Variants in KCNN2 observed in about 807,000 individuals in gnomAD.
KCNN2 encodes potassium calcium-activated channel subfamily N member 2, also known as small conductance calcium-activated potassium channel protein 2.
A neutral mutation model predicts 55.5 loss-of-function variants in KCNN2; 24 were observed. The ratio of observed to expected loss-of-function variants is 0.43; its 90% CI spans 0.31 to 0.61. The LOEUF (loss-of-function observed/expected upper bound fraction) is 0.61, where lower values mean the gene tolerates loss of function less well. Among genes scored for constraint, KCNN2 ranks in the 20% least tolerant of loss-of-function variants. The pLI, the probability that KCNN2 is intolerant of heterozygous loss-of-function variation, is 0.08. For synonymous variants in KCNN2, 431 were observed against 336.1 expected (o/e 1.28, Z -3.09); for missense variants, 754 against 853.6 (o/e 0.88, Z 1.45).
intron 2 of KCNN2, among the ~76,000 whole-genome samples, chr5:114,336,867 C>A (rs1303741517): frequency 6.6e-6 from 1 of 152,118 alleles, no homozygotes; most frequent in Non-Finnish European, 1.5e-5. Context: ...AGTGAAGGTA[C>A]ACAGAGCAAG....
intron 1 of KCNN2, among the ~76,000 whole-genome samples, chr5:114,089,417 TC>T (rs1234190605): frequency 6.6e-6 from 1 of 152,164 alleles, no homozygotes. Context: ...CTGGAATGTC[TC>T]CCAACGCAGT....
At chr5:114,150,095 G>T (rs889058633) in intron 1 of KCNN2, among the ~76,000 whole-genome samples, 1 of 152,202 alleles carries the variant, frequency 6.6e-6, no homozygotes, top group African/African-American at 2.4e-5. Flanking sequence ...AGCACATCAC[G>T]TACTGTTGGC....
chr5:114,461,688 T>TTTA (rs1333105297), intron 3 of KCNN2, among the ~76,000 whole-genome samples: 1 of 152,116 alleles, frequency 6.6e-6, no homozygotes, highest in Non-Finnish European at 1.5e-5. Flanking sequence ...ATCTGCATTT[T>TTTA]TTATTTTTGA....
intron 3 of KCNN2, among the ~76,000 whole-genome samples, chr5:114,460,169 A>G (rs529630487): frequency 6.6e-6 from 1 of 152,246 alleles, no homozygotes; most frequent in Non-Finnish European, 1.5e-5. Context: ...TATCGTATGA[A>G]ATCTCTTACT....
chr5:114,242,289 T>G (rs998879423), intron 2 of KCNN2, among the ~76,000 whole-genome samples: 20 of 125,022 alleles, frequency 1.6e-4, no homozygotes, highest in African/African-American at 5.4e-4. Context: ...CCAAGACCCA[T>G]GGAGAGTTGT....
At chr5:114,202,587 T>TATATA (rs1368706421) in intron 1 of KCNN2, among the ~76,000 whole-genome samples, 5 of 88,242 alleles carry the variant, frequency 5.7e-5, no homozygotes, top group South Asian at 3.2e-4. Context: ...ATATATATAT[T>TATATA]TTTTTTTTTT....
intron 3 of KCNN2, among the ~76,000 whole-genome samples, chr5:114,444,769 A>G (rs1397802714): frequency 1.3e-5 from 2 of 152,166 alleles, no homozygotes; most frequent in Non-Finnish European, 2.9e-5. Flanking sequence ...TCTGGGTACT[A>G]TGCTGACCTG....
chr5:114,252,673 C>T (rs1318371026), intron 2 of KCNN2, among the ~76,000 whole-genome samples: 2 of 151,790 alleles, frequency 1.3e-5, no homozygotes, highest in East Asian at 1.9e-4. Flanking sequence ...CCAACCCCCA[C>T]CCCCCAACCT....
chr5:114,443,307 A>G (rs1760287622), intron 3 of KCNN2, among the ~76,000 whole-genome samples: 1 of 151,822 alleles, frequency 6.6e-6, no homozygotes, highest in Admixed American at 6.6e-5. Flanking sequence ...AGAAACAAAG[A>G]AAAAAGAAAA....
chr5:114,136,612 T>C (rs532310432), intron 1 of KCNN2, among the ~76,000 whole-genome samples: 2 of 152,318 alleles, frequency 1.3e-5, no homozygotes, highest in African/African-American at 4.8e-5. Context: ...CCTTTTAGAA[T>C]AATTTAACAC....
chr5:114,395,110 TG>T (rs1215787797), intron 2 of KCNN2, among the ~76,000 whole-genome samples: 1 of 152,180 alleles, frequency 6.6e-6, no homozygotes, highest in East Asian at 1.9e-4. Flanking sequence ...GCAGTTACCT[TG>T]CAGAGGAAAA....
At chr5:114,225,578 T>C (rs1417277603) in intron 2 of KCNN2, among the ~76,000 whole-genome samples, 2 of 152,062 alleles carry the variant, frequency 1.3e-5, no homozygotes, top group Non-Finnish European at 2.9e-5. Flanking sequence ...GCTTGATACA[T>C]AGTAGGTGCT....
intron 1 of KCNN2, among the ~76,000 whole-genome samples, chr5:114,161,139 G>C (rs1326066603): frequency 2.0e-5 from 3 of 152,186 alleles, no homozygotes; most frequent in African/African-American, 2.4e-5. Context: ...GCAGTGGCTG[G>C]TACTGGTTTT....
At chr5:114,096,918 C>G (rs143680323) in intron 1 of KCNN2, among the ~76,000 whole-genome samples, 51 of 152,186 alleles carry the variant, frequency 3.4e-4, no homozygotes, top group African/African-American at 9.6e-4. Context: ...TTCCATTACT[C>G]CAGTGGAGCA....
At chr5:114,252,341 C>T (rs1308477928) in intron 2 of KCNN2, among the ~76,000 whole-genome samples, 4 of 152,066 alleles carry the variant, frequency 2.6e-5, no homozygotes, top group Non-Finnish European at 4.4e-5. Flanking sequence ...AAGAGACTCC[C>T]TCAGATGAGA....
intron 2 of KCNN2, among the ~76,000 whole-genome samples, chr5:114,276,160 G>C (rs909366211): frequency 1.1e-4 from 16 of 152,190 alleles, no homozygotes; most frequent in Non-Finnish European, 2.4e-4. Flanking sequence ...TCTTAATTCT[G>C]AGTTCTAGTT....
rs146269787 is a variant in KCNN2 at position 114,243,963 on chromosome 5, A to G, written c.-185+22398A>G. Among the ~76,000 whole-genome samples, 30 of 152,326 alleles carry G rather than the reference A, an allele frequency of 2.0e-4. No homozygotes were observed. In the East Asian group the frequency reaches 5.4e-3, roughly 27 times the overall value. ...CGGATTGCAAGTACTGGATCCCAAA[A>G]GGAAGGATTCACTGAGGGTAACTGT... On this transcript the variant is annotated intron_variant, in intron 2 of 10. Coordinates refer to the KCNN2 transcript ENST00000512097.
intron 1 of KCNN2, among the ~76,000 whole-genome samples, chr5:114,096,952 A>G (rs1751269894): frequency 6.6e-6 from 1 of 152,088 alleles, no homozygotes; most frequent in Non-Finnish European, 1.5e-5. Context: ...CCTCCCTTAT[A>G]TAGATGAGAC....
chr5:114,058,479 A>G (rs1287992661), intron 1 of KCNN2, among the ~76,000 whole-genome samples: 2 of 152,198 alleles, frequency 1.3e-5, no homozygotes, highest in African/African-American at 4.8e-5. Flanking sequence ...TAACGAGTAA[A>G]TAACAAAGTA....
Sources: gnomAD v4.1 joint callset for allele counts (sites outside exome capture counted in the v4.1 genomes callset) on GRCh38, gnomAD v4.1.1 for gene constraint, MANE v1.5 for transcripts, NCBI Gene and HGNC (gene_info 2026-07-23, HGNC 2026-07-21) for gene names.